The following GLIS3 variants were observed in gnomAD, a reference collection of about 807,000 sequenced individuals.
The protein encoded by GLIS3 is zinc finger protein GLIS3.
In GLIS3, 53 loss-of-function variants were observed where a neutral mutation model predicts 78.6. The observed-to-expected ratio is 0.67, with a 90% confidence interval of 0.54 to 0.85. GLIS3 has a LOEUF of 0.85. Among genes scored for constraint, GLIS3 ranks in the 40% least tolerant of loss-of-function variants. GLIS3 has a pLI of 0.00. For synonymous variants in GLIS3, 684 were observed against 509.9 expected, an observed-to-expected ratio of 1.34 and a Z score of -4.60; for missense variants, 1,703 against 1,231.1, an observed-to-expected ratio of 1.38 and a Z score of -5.74.
At chr9:4,489,953 C>T in the GLIS3 span, among the ~76,000 whole-genome samples, 2 of 152,224 alleles carry the variant, frequency 1.3e-5, no homozygotes, top group East Asian at 3.8e-4. Flanking sequence ...TGCCCCAGGA[C>T]TCCTTTCTCT....
At chr9:4,307,944 C>G (rs927324824) in intron 4 of GLIS3, among the ~76,000 whole-genome samples, 2 of 152,110 alleles carry the variant, frequency 1.3e-5, no homozygotes, top group African/African-American at 2.4e-5. Context: ...GTTTAGGGTG[C>G]TATTTAGGGT....
At chr9:4,260,120 C>G (rs1825370679) in intron 2 of GLIS3, among the ~76,000 whole-genome samples, 1 of 152,192 alleles carries the variant, frequency 6.6e-6, no homozygotes, top group Admixed American at 6.5e-5. Flanking sequence ...TTCAGCTGAC[C>G]AGGTGTCTGA....
intron 2 of GLIS3, among the ~76,000 whole-genome samples, chr9:4,162,324 A>G (rs988999887): frequency 6.6e-6 from 1 of 152,138 alleles, no homozygotes; most frequent in African/African-American, 2.4e-5. Flanking sequence ...CAGAAAAACA[A>G]AAGTCACATT....
chr9:4,326,122 G>C (rs756550398), intron 2 of GLIS3, among the ~76,000 whole-genome samples: 2 of 152,086 alleles, frequency 1.3e-5, no homozygotes, highest in South Asian at 2.1e-4. Context: ...CTAGGTGATG[G>C]GTTGATCTGT....
rs540934916 is a variant in GLIS3, at chr9:4,291,975, C to G, written c.-98-5452G>C. Among the ~76,000 whole-genome samples the G allele has an allele frequency of 2.0e-5, 3 of 152,130 alleles. No individual in the cohort carries two copies. The South Asian group carries it at 6.2e-4, about 32-fold the overall frequency. ...AAAGGTCTAGAGAGCCATGGTCCTA[C>G]CAAAAATGGCAAGGGAGAAGAGGAA... On this transcript the variant is annotated intron_variant, in intron 1 of 10. Transcript: ENST00000381971.
rs117377928 is a variant in GLIS3, at chr9:3,968,385, C to A, written c.1711-31196G>T. The stretch of plus-strand genomic sequence containing the variant: ...TAATTAAATAATACAGAAAGCATAT[C>A]AGTTAAGCAACAAACAAAATTTTTT... On this transcript the variant is annotated intron_variant, in intron 4 of 10. Coordinates refer to ENST00000381971, the MANE Select transcript of GLIS3 (RefSeq NM_001042413.2). Among the ~76,000 whole-genome samples, 989 of 152,256 alleles carry A rather than the reference C, an allele frequency of 6.5e-3. 8 individuals are homozygous for A. Among genetic ancestry groups the A allele is most frequent in the Non-Finnish European group, 0.011 (757 of 68,018 alleles).
chr9:4,133,248 A>T (rs529897136), intron 2 of GLIS3, among the ~76,000 whole-genome samples: 2 of 152,346 alleles, frequency 1.3e-5, no homozygotes, highest in African/African-American at 4.8e-5. Flanking sequence ...ATAATCATTG[A>T]ATTCAAGACA....
intron 4 of GLIS3, among the ~76,000 whole-genome samples, chr9:3,971,573 GGGCTCTGTT>G (rs1818385175): frequency 6.6e-6 from 1 of 152,176 alleles, no homozygotes; most frequent in Non-Finnish European, 1.5e-5. Context: ...TGACATGCAA[GGGCTCTGTT>G]GGCACATGAC....
intron 4 of GLIS3, among the ~76,000 whole-genome samples, chr9:4,014,839 G>A (rs1447273346): frequency 6.6e-6 from 1 of 152,142 alleles, no homozygotes; most frequent in Admixed American, 6.5e-5. Context: ...AATGTCACAG[G>A]GCTGAATACT....
intron 2 of GLIS3, among the ~76,000 whole-genome samples, chr9:4,260,427 C>T (rs1012858012): frequency 1.2e-4 from 18 of 151,968 alleles, no homozygotes; most frequent in South Asian, 8.3e-4. Flanking sequence ...ATTAGCTTGG[C>T]GTGGTGGCAG....
At chr9:4,328,291 C>T (rs934727192) in intron 2 of GLIS3, among the ~76,000 whole-genome samples, 5 of 152,178 alleles carry the variant, frequency 3.3e-5, no homozygotes, top group African/African-American at 9.7e-5. Flanking sequence ...GCTGTGGCCC[C>T]TGAAGAAGAG....
chr9:3,997,085 C>T lies in GLIS3; in HGVS notation c.1711-59896G>A, dbSNP rs548446765. On this transcript the variant is annotated intron_variant, in intron 4 of 10. Transcript: ENST00000381971. ...AGTTGCGGCCGGGCGCGGTGGCTCA[C>T]GCCTGTAATCCCAGCACTTTGGGAG... Among the ~76,000 whole-genome samples, 242 of 152,272 alleles carry T rather than the reference C, an allele frequency of 1.6e-3. 1 individual carries two copies. The highest frequency in any genetic ancestry group is 5.6e-3 in the African/African-American group (232 of 41,540).
At chr9:3,958,324 G>C (rs993424371) in intron 4 of GLIS3, among the ~76,000 whole-genome samples, 1 of 152,088 alleles carries the variant, frequency 6.6e-6, no homozygotes, top group African/African-American at 2.4e-5. Flanking sequence ...TATGCCATGG[G>C]CCAGACGCTT....
chr9:4,160,195 T>G (rs1018832654), intron 2 of GLIS3, among the ~76,000 whole-genome samples: 1 of 152,176 alleles, frequency 6.6e-6, no homozygotes, highest in Non-Finnish European at 1.5e-5. Context: ...ACAGGCATAG[T>G]AGGTGAGAGA....
chr9:3,839,406 A>G (rs1818577937), intron 9 of GLIS3, among the ~76,000 whole-genome samples: 1 of 152,180 alleles, frequency 6.6e-6, no homozygotes, highest in South Asian at 2.1e-4. Context: ...TTGCTTTGGC[A>G]TTTTGGAAAA....
At chr9:3,995,133 C>T (rs1820642687) in intron 4 of GLIS3, among the ~76,000 whole-genome samples, 1 of 151,956 alleles carries the variant, frequency 6.6e-6, no homozygotes, top group Non-Finnish European at 1.5e-5. Context: ...AAAACCAAAC[C>T]TGACCTACAG....
chr9:3,897,834 A>T (rs1012652572), intron 7 of GLIS3, among the ~76,000 whole-genome samples: 1 of 152,262 alleles, frequency 6.6e-6, no homozygotes, highest in African/African-American at 2.4e-5. Context: ...TTCGAAAGAA[A>T]AAAACAGTCT....
At chr9:4,264,513 T>C (rs975251289) in intron 2 of GLIS3, among the ~76,000 whole-genome samples, 1 of 152,220 alleles carries the variant, frequency 6.6e-6, no homozygotes, top group Non-Finnish European at 1.5e-5. Flanking sequence ...TTGAAATCTC[T>C]GAACTTCCTA....
At chr9:3,926,553 A>T (rs1399818859) in intron 6 of GLIS3, among the ~76,000 whole-genome samples, 1 of 151,546 alleles carries the variant, frequency 6.6e-6, no homozygotes, top group Non-Finnish European at 1.5e-5. Flanking sequence ...AAAAATTTGC[A>T]GCCAATCTAT....
Sources: gnomAD v4.1 joint callset for allele counts (sites outside exome capture counted in the v4.1 genomes callset) on GRCh38, gnomAD v4.1.1 for gene constraint, MANE v1.5 for transcripts, NCBI Gene and HGNC (gene_info 2026-07-23, HGNC 2026-07-21) for gene names.